The following CDH13 variants were observed in gnomAD, a reference collection of about 807,000 sequenced individuals.
The protein encoded by CDH13 is cadherin 13, also known as cadherin-13.
In CDH13, 24 loss-of-function variants were observed where a neutral mutation model predicts 63.8. That is an observed-to-expected ratio of 0.38 (90% CI 0.27 to 0.53). The LOEUF (loss-of-function observed/expected upper bound fraction) is 0.53, where lower values mean the gene tolerates loss of function less well. CDH13 is among the 20% of genes least tolerant of loss of function. The pLI, the probability that CDH13 is intolerant of heterozygous loss-of-function variation, is 0.85. For missense variants in CDH13, 1,049 were observed against 903.1 expected (o/e 1.16, Z -2.07); for synonymous variants, 503 against 355.3 (o/e 1.42, Z -4.67).
intron 8 of CDH13, among the ~76,000 whole-genome samples, chr16:83,611,141 T>C (rs188111333): frequency 4.2e-4 from 64 of 152,286 alleles, no homozygotes; most frequent in African/African-American, 1.5e-3. Context: ...TAAGTTGGGT[T>C]ATTAGTCTTT....
intron 5 of CDH13, among the ~76,000 whole-genome samples, chr16:83,256,844 C>CAAAAAA (rs57312967): frequency 1.3e-5 from 1 of 78,716 alleles, no homozygotes; most frequent in African/African-American, 4.8e-5. Context: ...GACTCCATCT[C>CAAAAAA]AAAAAAAAAA....
intron 6 of CDH13, among the ~76,000 whole-genome samples, chr16:83,448,609 C>T (rs1330441935): frequency 2.0e-5 from 3 of 152,134 alleles, no homozygotes; most frequent in Non-Finnish European, 2.9e-5. Flanking sequence ...TCAGCAGATA[C>T]TAACTAGTAT....
At chr16:83,537,899 C>A (rs2075225035) in intron 7 of CDH13, among the ~76,000 whole-genome samples, 1 of 152,168 alleles carries the variant, frequency 6.6e-6, no homozygotes, top group South Asian at 2.1e-4. Flanking sequence ...AACATAGTGC[C>A]TATTTCTCTA....
intron 4 of CDH13, among the ~76,000 whole-genome samples, chr16:83,214,785 G>T (rs1373649465): frequency 3.3e-5 from 5 of 152,024 alleles, no homozygotes; most frequent in Non-Finnish European, 5.9e-5. Flanking sequence ...ATGCTGGGAA[G>T]TAAGTGGTGT....
chr16:82,804,247 A>G (rs1277789260), intron 1 of CDH13, among the ~76,000 whole-genome samples: 1 of 150,602 alleles, frequency 6.6e-6, no homozygotes, highest in Non-Finnish European at 1.5e-5. Context: ...ATGTGTTTAG[A>G]GTTTAGATCT....
At chr16:82,807,588 C>T (rs188781516) in intron 1 of CDH13, among the ~76,000 whole-genome samples, 9 of 152,220 alleles carry the variant, frequency 5.9e-5, no homozygotes, top group South Asian at 2.1e-4. Flanking sequence ...GCTAAGGACC[C>T]CTGGAAGTGC....
intron 3 of CDH13, among the ~76,000 whole-genome samples, chr16:83,124,126 C>G (rs1005814711): frequency 3.3e-5 from 5 of 152,058 alleles, no homozygotes; most frequent in Non-Finnish European, 5.9e-5. Flanking sequence ...GCTCACTGCA[C>G]TGTCCGCCTC....
chr16:83,101,972 T>C (rs1238478461), intron 3 of CDH13, among the ~76,000 whole-genome samples: 1 of 152,190 alleles, frequency 6.6e-6, no homozygotes, highest in Non-Finnish European at 1.5e-5. Context: ...AAATAGACTT[T>C]GCAAATGTGA....
chr16:83,545,390 C>T (rs757057552), intron 7 of CDH13, among the ~76,000 whole-genome samples: 7 of 152,106 alleles, frequency 4.6e-5, no homozygotes, highest in Admixed American at 2.0e-4. Context: ...TAATTTTCAC[C>T]GTAACCAGCT....
chr16:83,422,774 G>A (rs780393106), intron 6 of CDH13, among the ~76,000 whole-genome samples: 4 of 152,136 alleles, frequency 2.6e-5, no homozygotes, highest in Non-Finnish European at 4.4e-5. Context: ...TTAAAAGGAA[G>A]ATAATAACAG....
chr16:82,644,418 C>T lies in CDH13; in HGVS notation c.45+17281C>T, dbSNP rs991106705. On this transcript the variant is annotated intron_variant, in intron 1 of 13. Coordinates refer to ENST00000567109, the MANE Select transcript of CDH13 (RefSeq NM_001257.5). The surrounding 1 kb of genome is among the most constrained non-coding windows in gnomAD (Gnocchi z 5.7). ...AGGTCCCTTAACCATGGAACGTACT[C>T]CTGTCTGCCCTCACTCGTGGGTTGA... Among the ~76,000 whole-genome samples, 6 of 152,158 alleles carry T rather than the reference C, an allele frequency of 3.9e-5. No homozygotes were observed. Among genetic ancestry groups the T allele is most frequent in the African/African-American group, 1.4e-4 (6 of 41,442 alleles).
chr16:82,902,025 G>A (rs935289288), intron 2 of CDH13, among the ~76,000 whole-genome samples: 1 of 152,202 alleles, frequency 6.6e-6, no homozygotes, highest in Non-Finnish European at 1.5e-5. Flanking sequence ...TAGCTATTAC[G>A]TGGCAGAGTC....
intron 1 of CDH13, among the ~76,000 whole-genome samples, chr16:82,811,691 C>T (rs149807409): frequency 6.6e-6 from 1 of 152,022 alleles, no homozygotes; most frequent in South Asian, 2.1e-4. Flanking sequence ...AATGAGTTGC[C>T]ATGGTGTCTT....
intron 8 of CDH13, among the ~76,000 whole-genome samples, chr16:83,634,043 AG>A (rs1217959698): frequency 6.6e-6 from 1 of 152,120 alleles, no homozygotes; most frequent in Non-Finnish European, 1.5e-5. Flanking sequence ...AACAATACCA[AG>A]AGCAGGAAGT....
intron 3 of CDH13, among the ~76,000 whole-genome samples, chr16:83,033,928 T>A (rs1168053550): frequency 6.6e-6 from 1 of 152,062 alleles, no homozygotes; most frequent in Non-Finnish European, 1.5e-5. Flanking sequence ...TTCACATCCC[T>A]TTTCTCCACC....
chr16:82,931,820 A>G (rs550830585), intron 2 of CDH13, among the ~76,000 whole-genome samples: 2 of 152,286 alleles, frequency 1.3e-5, no homozygotes, highest in South Asian at 2.1e-4. Flanking sequence ...CATCCCCATG[A>G]TTCATTATTT....
chr16:82,739,963 A>T (rs1045534661), intron 1 of CDH13, among the ~76,000 whole-genome samples: 4 of 152,218 alleles, frequency 2.6e-5, no homozygotes, highest in African/African-American at 9.6e-5. Flanking sequence ...AGATATTCAA[A>T]ACTAATTATC....
At chr16:83,158,869 C>T (rs985537052) in intron 4 of CDH13, among the ~76,000 whole-genome samples, 1 of 152,212 alleles carries the variant, frequency 6.6e-6, no homozygotes, top group Admixed American at 6.5e-5. Flanking sequence ...ATGCTGGGCT[C>T]TCTTTGGGCT....
intron 4 of CDH13, among the ~76,000 whole-genome samples, chr16:83,132,453 C>CCCCT (rs1491296907): frequency 3.2e-5 from 3 of 92,924 alleles, no homozygotes; most frequent in South Asian, 4.7e-4. Context: ...ACACCCCCCC[C>CCCCT]TTTTTTTTTT....
Sources: allele counts gnomAD v4.1 joint callset (sites outside exome capture counted in the v4.1 genomes callset), GRCh38; gene constraint gnomAD v4.1.1; non-coding constraint Gnocchi (gnomAD v3.1); transcripts MANE v1.5; gene names NCBI Gene and HGNC (gene_info 2026-07-23, HGNC 2026-07-21).